SH3GL2: variants seen among roughly 807,000 people sequenced by gnomAD.
SH3GL2 encodes SH3 domain containing GRB2 like 2, endophilin A1, also known as endophilin-A1.
A neutral mutation model predicts 46.0 loss-of-function variants in SH3GL2; 24 were observed. The observed-to-expected ratio is 0.52, with a 90% CI of 0.38 to 0.73. The LOEUF is 0.73. Ranked by LOEUF, SH3GL2 falls within the 30% of genes least tolerant of loss-of-function variation. SH3GL2 has a pLI of 0.00. For synonymous variants in SH3GL2, 196 were observed against 147.1 expected (o/e 1.33, Z -2.40); for missense variants, 413 against 424.2 (o/e 0.97, Z 0.23).
intron 1 of SH3GL2, among the ~76,000 whole-genome samples, chr9:17,720,067 A>G (rs545744068): frequency 1.3e-5 from 2 of 152,250 alleles, no homozygotes; most frequent in South Asian, 2.1e-4. Context: ...GTGACAAAGT[A>G]GTATTAAATT....
chr9:17,718,397 G>A (rs1821812864), intron 1 of SH3GL2, among the ~76,000 whole-genome samples: 1 of 152,146 alleles, frequency 6.6e-6, no homozygotes. Flanking sequence ...CAATGTGGCA[G>A]CATTTCTTAA....
intron 1 of SH3GL2, among the ~76,000 whole-genome samples, chr9:17,723,669 C>T (rs776373789): frequency 2.0e-5 from 3 of 152,102 alleles, no homozygotes; most frequent in Non-Finnish European, 4.4e-5. Flanking sequence ...TCAGAATTTC[C>T]TTGCTACCAC....
intron 3 of SH3GL2, among the ~76,000 whole-genome samples, chr9:17,766,237 C>T (rs747042384): frequency 9.9e-5 from 15 of 152,210 alleles, no homozygotes; most frequent in African/African-American, 2.2e-4. Context: ...CAGGCTTAAA[C>T]GTCTGCCCTG....
chr9:17,625,160 C>G (rs1015906356), intron 1 of SH3GL2, among the ~76,000 whole-genome samples: 13 of 152,152 alleles, frequency 8.5e-5, no homozygotes, highest in Admixed American at 1.3e-4. Context: ...GTGTTCTCGT[C>G]TCACCATGCT....
intron 1 of SH3GL2, among the ~76,000 whole-genome samples, chr9:17,654,048 C>G (rs1340993624): frequency 6.6e-6 from 1 of 152,166 alleles, no homozygotes; most frequent in Non-Finnish European, 1.5e-5. Flanking sequence ...GACTTTACCC[C>G]CCTCTCTCAT....
chr9:17,759,235 C>T (rs1823098984), intron 2 of SH3GL2, among the ~76,000 whole-genome samples: 1 of 152,154 alleles, frequency 6.6e-6, no homozygotes, highest in African/African-American at 2.4e-5. Flanking sequence ...ATTGCAGAGC[C>T]TCCCTTCCAG....
chr9:17,781,672 C>A (rs1823813747), intron 3 of SH3GL2, among the ~76,000 whole-genome samples: 2 of 152,248 alleles, frequency 1.3e-5, no homozygotes, highest in South Asian at 4.1e-4. Flanking sequence ...TATCCTCCTA[C>A]CAGCAGTATT....
chr9:17,603,035 G>A (rs977234287), intron 1 of SH3GL2, among the ~76,000 whole-genome samples: 5 of 152,206 alleles, frequency 3.3e-5, no homozygotes, highest in African/African-American at 9.7e-5. Flanking sequence ...GAACAGTGCT[G>A]TGTGTGCACA....
chr9:17,662,396 A>G (rs1820243708), intron 1 of SH3GL2, among the ~76,000 whole-genome samples: 2 of 152,210 alleles, frequency 1.3e-5, no homozygotes, highest in Non-Finnish European at 2.9e-5. Flanking sequence ...AAATGTTCTC[A>G]TGCTATGATT....
At chr9:17,763,158 T>C (rs182281496) in intron 3 of SH3GL2, among the ~76,000 whole-genome samples, 4 of 152,314 alleles carry the variant, frequency 2.6e-5, no homozygotes, top group Admixed American at 2.6e-4. Context: ...AGTTGAAGAA[T>C]TTCTAGTATG....
chr9:17,641,389 AGAAAT>A (rs1819678028), intron 1 of SH3GL2, among the ~76,000 whole-genome samples: 1 of 152,232 alleles, frequency 6.6e-6, no homozygotes, highest in Non-Finnish European at 1.5e-5. Flanking sequence ...TGCTATAAAA[AGAAAT>A]GAAATATTTG....
intron 1 of SH3GL2, among the ~76,000 whole-genome samples, chr9:17,616,255 C>G (rs1425526998): frequency 1.3e-5 from 2 of 152,118 alleles, no homozygotes; most frequent in African/African-American, 2.4e-5. Flanking sequence ...AAATATGAGG[C>G]TAGGAAAGAA....
At chr9:17,703,291 A>G (rs781508572) in intron 1 of SH3GL2, among the ~76,000 whole-genome samples, 2 of 152,124 alleles carry the variant, frequency 1.3e-5, no homozygotes, top group African/African-American at 2.4e-5. Context: ...ATCTCTTTTC[A>G]TAAAAATATT....
At chr9:17,612,236 G>T (rs974278608) in intron 1 of SH3GL2, among the ~76,000 whole-genome samples, 1 of 152,206 alleles carries the variant, frequency 6.6e-6, no homozygotes, top group Non-Finnish European at 1.5e-5. Flanking sequence ...GGGAGGAAAA[G>T]CCCTTCCGGG....
Position 17,689,325 on chromosome 9 carries a change from C to G in SH3GL2, c.46-57741C>G, listed in dbSNP as rs1036938229. ...AGATACGAAAACTAAATATGTGGCA[C>G]CCTGAATGAGTTCCTGTAACAGAAA... On this transcript the variant is annotated intron_variant, in intron 1 of 8. Transcript: ENST00000380607. Among the ~76,000 whole-genome samples the G allele has an allele frequency of 4.6e-5, 7 of 152,104 alleles. No individual in the cohort carries two copies. In the East Asian group the frequency reaches 1.4e-3, roughly 30 times the overall value.
At chr9:17,581,573 T>G (rs1045280545) in intron 1 of SH3GL2, among the ~76,000 whole-genome samples, 5 of 152,226 alleles carry the variant, frequency 3.3e-5, no homozygotes, top group Non-Finnish European at 7.3e-5. Context: ...TGTCCTACTT[T>G]TGTAGCCATT....
At chr9:17,665,553 TAC>T (rs1820321984) in intron 1 of SH3GL2, among the ~76,000 whole-genome samples, 1 of 152,128 alleles carries the variant, frequency 6.6e-6, no homozygotes, top group African/African-American at 2.4e-5. Flanking sequence ...TGGATTCTCA[TAC>T]AGTGTTATAA....
intron 1 of SH3GL2, among the ~76,000 whole-genome samples, chr9:17,612,523 C>A (rs947194936): frequency 1.3e-5 from 2 of 151,950 alleles, no homozygotes; most frequent in African/African-American, 2.4e-5. Context: ...ATACAGAGGA[C>A]CAGAAATTGT....
intron 2 of SH3GL2, among the ~76,000 whole-genome samples, chr9:17,752,890 G>A (rs1381930066): frequency 6.6e-6 from 1 of 152,072 alleles, no homozygotes; most frequent in African/African-American, 2.4e-5. Context: ...GTCCCAGTGT[G>A]TGTTGTTCCC....
Sources: allele counts gnomAD v4.1 joint callset (sites outside exome capture counted in the v4.1 genomes callset), GRCh38; gene constraint gnomAD v4.1.1; transcripts MANE v1.5; gene names NCBI Gene and HGNC (gene_info 2026-07-23, HGNC 2026-07-21).